The following ELF1 variants were observed in gnomAD, a reference collection of about 807,000 sequenced individuals.
The protein encoded by ELF1 is E74 like ETS transcription factor 1.
ELF1 carries 24 observed loss-of-function variants against 59.9 expected under a neutral mutation model. That is an observed-to-expected ratio of 0.40 (90% CI 0.29 to 0.56). The LOEUF (loss-of-function observed/expected upper bound fraction) is 0.56. Among genes scored for constraint, ELF1 ranks in the 20% least tolerant of loss-of-function variants. The pLI is 0.44. For missense variants in ELF1, 627 were observed against 742.2 expected (o/e 0.84, Z 1.80); for synonymous variants, 248 against 266.2 (o/e 0.93, Z 0.67).
chr13:41,007,518 C>A (rs930282266), intron 1 of ELF1, among the ~76,000 whole-genome samples: 11 of 152,068 alleles, frequency 7.2e-5, no homozygotes, highest in South Asian at 2.1e-4. Flanking sequence ...ACTGGAGAAG[C>A]CAGTAACTGC....
intron 3 of ELF1, 82 bp from the exon 4 acceptor site, chr13:40,951,518 C>T (rs974056932): frequency 3.2e-6 from 3 of 946,634 alleles, no homozygotes; most frequent in Non-Finnish European, 4.9e-6. Flanking sequence ...ATCTCTAGAA[C>T]CAGAATACAT....
chr13:41,015,335 C>CG (rs1555279213), intron 1 of ELF1, among the ~76,000 whole-genome samples: 10 of 146,110 alleles, frequency 6.8e-5, no homozygotes, highest in Non-Finnish European at 1.5e-4. Flanking sequence ...TATAGCACAG[C>CG]AAAAAAAAAC....
intron 1 of ELF1, among the ~76,000 whole-genome samples, chr13:41,058,794 G>A (rs1039810757): frequency 1.3e-5 from 2 of 152,188 alleles, no homozygotes; most frequent in African/African-American, 4.8e-5. Flanking sequence ...CCAACATGGT[G>A]AAACATTGTC....
intron 1 of ELF1, among the ~76,000 whole-genome samples, chr13:41,046,865 T>C (rs538832778): frequency 2.6e-5 from 4 of 152,364 alleles, no homozygotes; most frequent in South Asian, 2.1e-4. Context: ...TCCTGGATTA[T>C]ATCCTGAAGA....
At chr13:40,935,215 A>G (rs1326684664) in intron 8 of ELF1, among the ~76,000 whole-genome samples, 1 of 152,252 alleles carries the variant, frequency 6.6e-6, no homozygotes, top group Non-Finnish European at 1.5e-5. Flanking sequence ...GTTATTGTTA[A>G]TATAGTATAA....
chr13:41,049,506 G>A (rs1372954423), intron 1 of ELF1, among the ~76,000 whole-genome samples: 1 of 152,036 alleles, frequency 6.6e-6, no homozygotes, highest in Non-Finnish European at 1.5e-5. Flanking sequence ...TATCTAACAT[G>A]GCCTAGAATG....
At chr13:41,024,534 T>C (rs1211264297) in intron 1 of ELF1, among the ~76,000 whole-genome samples, 2 of 152,032 alleles carry the variant, frequency 1.3e-5, no homozygotes, top group African/African-American at 4.8e-5. Context: ...ATTTTGTATG[T>C]CTGGCTAATT....
At chr13:40,971,716 G>A (rs142730983) in intron 2 of ELF1, among the ~76,000 whole-genome samples, 1 of 152,316 alleles carries the variant, frequency 6.6e-6, no homozygotes, top group East Asian at 1.9e-4. Context: ...TCTAATCCTA[G>A]TGTAACTGTG....
intron 8 of ELF1, among the ~76,000 whole-genome samples, chr13:40,934,338 T>C (rs1869617459): frequency 6.6e-6 from 1 of 151,600 alleles, no homozygotes; most frequent in Non-Finnish European, 1.5e-5. Context: ...GAGGAGGATG[T>C]TAAAATGCTT....
intron 1 of ELF1, among the ~76,000 whole-genome samples, chr13:40,997,550 C>A (rs562505314): frequency 3.3e-5 from 5 of 151,618 alleles, no homozygotes; most frequent in African/African-American, 1.2e-4. Context: ...GCCACTGCAC[C>A]CGGCCATCTT....
chr13:41,012,356 AACCAAAGAGG>A (rs1204552809), intron 1 of ELF1, among the ~76,000 whole-genome samples: 1 of 150,842 alleles, frequency 6.6e-6, no homozygotes, highest in African/African-American at 2.4e-5. Context: ...GAAACAGTTA[AACCAAAGAGG>A]ATTCATCTAT....
At chr13:40,983,155 A>C (rs1055773110) in intron 1 of ELF1, among the ~76,000 whole-genome samples, 4 of 152,260 alleles carry the variant, frequency 2.6e-5, no homozygotes, top group Non-Finnish European at 4.4e-5. Context: ...TGTTTATCAC[A>C]ATCTTACTAC....
At chr13:41,021,936 G>A (rs1336714028), upstream of ELF1, among the ~76,000 whole-genome samples, 1 of 152,134 alleles carries the variant, frequency 6.6e-6, no homozygotes, top group Non-Finnish European at 1.5e-5. Flanking sequence ...AACATGGAGC[G>A]ACTACAACTC....
chr13:40,963,317 G>A (rs781372124), intron 2 of ELF1, among the ~76,000 whole-genome samples: 28 of 152,208 alleles, frequency 1.8e-4, no homozygotes, highest in Admixed American at 1.1e-3. Flanking sequence ...TGTGTTTGAG[G>A]TGGAGGTATG....
chr13:40,986,327 T>G (rs113989748), intron 1 of ELF1, among the ~76,000 whole-genome samples: 116 of 152,256 alleles, frequency 7.6e-4, no homozygotes, highest in Non-Finnish European at 1.3e-3. Flanking sequence ...GTAAAACGGG[T>G]AAAGTAATAC....
intron 1 of ELF1, among the ~76,000 whole-genome samples, chr13:40,985,752 A>G (rs1172810163): frequency 6.6e-6 from 1 of 152,224 alleles, no homozygotes; most frequent in African/African-American, 2.4e-5. Flanking sequence ...CGGATTAGAA[A>G]AAAGGCTTCT....
chr13:40,941,297 T>C lies in ELF1; in HGVS notation c.880A>G (p.Lys294Glu), dbSNP rs777535025. The C allele has an allele frequency of 8.1e-6, 13 of 1,613,858 alleles. No individual in the cohort carries two copies. Among genetic ancestry groups the C allele is most frequent in the South Asian group, 1.1e-5 (1 of 90,996 alleles). The change falls in exon 8 of 9, where the codon AAA (lysine) becomes GAA (glutamate). Residue 294 changes from lysine (K) to glutamate (E), a missense_variant. By Grantham distance (56) the Lys-to-Glu change is moderately conservative. Coordinates refer to ENST00000239882, the MANE Select transcript of ELF1 (RefSeq NM_172373.4). ...RLVYQFKEMP[K>E]DLIYINDEDP... ...TCATCATTTATATATATAAGATCTTTTGGCATTTCTTTAAACTGATACACC... is the reference window on the plus strand; with the variant it reads ...TCATCATTTATATATATAAGATCTTCTGGCATTTCTTTAAACTGATACACC...
intron 1 of ELF1, among the ~76,000 whole-genome samples, chr13:41,028,572 T>C (rs1876037927): frequency 6.6e-6 from 1 of 152,186 alleles, no homozygotes; most frequent in South Asian, 2.1e-4. Context: ...AAATGAGGAT[T>C]TTAACTGTCA....
At chr13:41,032,048 G>A (rs1688865725) in intron 1 of ELF1, among the ~76,000 whole-genome samples, 1 of 151,800 alleles carries the variant, frequency 6.6e-6, no homozygotes, top group African/African-American at 2.4e-5. Flanking sequence ...TGGGCTGTTA[G>A]CACACAAGTT....
Sources: gnomAD v4.1 joint callset for allele counts (sites outside exome capture counted in the v4.1 genomes callset) on GRCh38, gnomAD v4.1.1 for gene constraint, MANE v1.5 for transcripts, NCBI Gene and HGNC (gene_info 2026-07-23, HGNC 2026-07-21) for gene names.